Variants in NOP58 observed in about 807,000 individuals in gnomAD.
NOP58 encodes NOP58 ribonucleoprotein, also known as nucleolar protein 58.
Under a neutral mutation model 71.2 loss-of-function variants are expected in NOP58, and 44 were observed. The ratio of observed to expected loss-of-function variants is 0.62; its 90% CI spans 0.49 to 0.79. NOP58 has a LOEUF of 0.79. Ranked by LOEUF, NOP58 falls within the 30% of genes least tolerant of loss-of-function variation. The pLI, the probability that NOP58 is intolerant of heterozygous loss-of-function variation, is 0.00. For missense variants in NOP58, 538 were observed against 620.2 expected, an observed-to-expected ratio of 0.87 and a Z score of 1.41; for synonymous variants, 228 against 200.3, an observed-to-expected ratio of 1.14 and a Z score of -1.17.
At position 202,277,957 on chromosome 2, in the gene NOP58, C is replaced by G. The variant is rs988706680; in HGVS notation, c.130C>G (p.Leu44Val). ...TTTTTTTTTTAATTCTAGAGTAAAG[C>G]TAAAACATTTTGAGAAATTTCAGGA... ...TPEKANKIVK[L>V]KHFEKFQDTA... Residue 44 changes from leucine to valine, a missense_variant, in exon 3 of 15, where the codon CTA becomes GTA. Transcript: ENST00000264279. 3 of 1,498,020 alleles carry G rather than the reference C, an allele frequency of 2.0e-6. No homozygotes were observed. Among genetic ancestry groups the G allele is most frequent in the Non-Finnish European group, 1.8e-6 (2 of 1,085,598 alleles). 92.8% of individuals were successfully genotyped at this position (1,498,020 alleles called of 1,614,324 possible).
intron 1 of NOP58, among the ~76,000 whole-genome samples, chr2:202,271,784 A>G (rs949684835): frequency 6.6e-6 from 1 of 152,056 alleles, no homozygotes; most frequent in Non-Finnish European, 1.5e-5. Context: ...CTCTACAAAA[A>G]GATTTTTAAA....
chr2:202,292,890 T>C lies in NOP58; in HGVS notation c.894T>C (p.Leu298=), dbSNP rs770196420. The C allele has an allele frequency of 1.7e-5, 28 of 1,614,012 alleles. 1 individual carries two copies. The Admixed American group carries it at 4.3e-4, about 25-fold the overall frequency. The change falls in exon 9 of 15, where the codon CTT becomes CTC. Residue 298 remains leucine (L), a synonymous_variant. Coordinates refer to ENST00000264279, the MANE Select transcript of NOP58 (RefSeq NM_015934.5). ...VMVGELVGAR[L]IAHAGSLLNL... ...TTGGGGAATTAGTTGGAGCACGGCT[T>C]ATTGCTCATGCAGGTGATGGTTTTA...
At chr2:202,289,374 T>G (rs749793168) in intron 6 of NOP58, among the ~76,000 whole-genome samples, 4 of 152,204 alleles carry the variant, frequency 2.6e-5, no homozygotes, top group Non-Finnish European at 5.9e-5. Context: ...ACCACACAAA[T>G]CCACAAGTGG....
chr2:202,275,479 G>T, intron 2 of NOP58: 1 of 251,102 alleles, frequency 4.0e-6, no homozygotes, highest in Non-Finnish European at 7.6e-6. Context: ...GCTGTCAGTA[G>T]GAACACATTT....
At chr2:202,281,458 T>A (rs1688702921) in intron 3 of NOP58, among the ~76,000 whole-genome samples, 1 of 152,110 alleles carries the variant, frequency 6.6e-6, no homozygotes, top group South Asian at 2.1e-4. Flanking sequence ...GTTTTTGTTT[T>A]GTTGAGACAG....
chr2:202,285,950 T>C (rs1688777937), intron 5 of NOP58, among the ~76,000 whole-genome samples: 1 of 151,622 alleles, frequency 6.6e-6, no homozygotes, highest in Non-Finnish European at 1.5e-5. Context: ...ATCCCAACAC[T>C]TTGGGAGGCC....
intron 1 of NOP58, among the ~76,000 whole-genome samples, chr2:202,272,916 T>A (rs1688532699): frequency 6.6e-6 from 1 of 152,050 alleles, no homozygotes; most frequent in Non-Finnish European, 1.5e-5. Context: ...GGGTGCATCA[T>A]GAGGTCAGGA....
At chr2:202,301,558 A>C (rs1056677979) in intron 13 of NOP58, among the ~76,000 whole-genome samples, 2 of 152,146 alleles carry the variant, frequency 1.3e-5, no homozygotes, top group Non-Finnish European at 2.9e-5. Context: ...AACTCAATCT[A>C]GTCTGACAGC....
At chr2:202,276,762 C>T (rs374600194) in intron 2 of NOP58, among the ~76,000 whole-genome samples, 2 of 152,152 alleles carry the variant, frequency 1.3e-5, no homozygotes, top group South Asian at 4.2e-4. Context: ...CCTTTGAGCT[C>T]GGGAAGTCAG....
chr2:202,283,580 A>G (rs902368555), intron 4 of NOP58, among the ~76,000 whole-genome samples: 24 of 151,872 alleles, frequency 1.6e-4, no homozygotes, highest in Non-Finnish European at 3.1e-4. Flanking sequence ...AGCTGGGACT[A>G]TAGGCACCTG....
At chr2:202,282,540 G>A in intron 4 of NOP58, 68 bp downstream of exon 4, 1 of 1,464,282 alleles carries the variant, frequency 6.8e-7, no homozygotes, top group East Asian at 2.3e-5. Context: ...ACAAAGCCTA[G>A]CCTTTGCAAT....
chr2:202,292,754 CTT>C, intron 8 of NOP58, 21 bp from the exon 9 acceptor site: 1 of 1,590,672 alleles, frequency 6.3e-7, no homozygotes, highest in East Asian at 2.2e-5. Context: ...ATATTTGTGA[CTT>C]AACTTTATTC....
chr2:202,300,121 C>T, intron 12 of NOP58, 113 bp from the exon 13 acceptor site: 1 of 901,716 alleles, frequency 1.1e-6, no homozygotes. Flanking sequence ...TAAAATGAAA[C>T]AACATTGTGT....
intron 3 of NOP58, 78 bp downstream of exon 3, chr2:202,278,080 T>C: frequency 1.1e-6 from 1 of 873,380 alleles, no homozygotes; most frequent in Non-Finnish European, 2.0e-6. Flanking sequence ...TAAAAGGTTG[T>C]TTGCTTCAGT....
intron 8 of NOP58, among the ~76,000 whole-genome samples, chr2:202,291,832 A>G (rs888540500): frequency 3.6e-5 from 5 of 139,004 alleles, no homozygotes; most frequent in Non-Finnish European, 7.8e-5. Flanking sequence ...AAAAAAAAGG[A>G]TGGCAGACAA....
chr2:202,283,660 C>G (rs868059701), intron 4 of NOP58, among the ~76,000 whole-genome samples: 1 of 151,604 alleles, frequency 6.6e-6, no homozygotes, highest in Non-Finnish European at 1.5e-5. Flanking sequence ...AAGATGGTCT[C>G]GATCTATTGA....
At chr2:202,295,028 C>T (rs1379429086) in intron 9 of NOP58, among the ~76,000 whole-genome samples, 2 of 151,700 alleles carry the variant, frequency 1.3e-5, no homozygotes, top group Admixed American at 1.3e-4. Context: ...ATAAGCACTG[C>T]AGTACTGCAC....
In NOP58 at chr2:202,269,890, G is replaced by C. The variant is rs75750675; in HGVS notation, c.45+3904G>C. Among the ~76,000 whole-genome samples, 47 of 152,308 alleles carry C rather than the reference G, an allele frequency of 3.1e-4. No individual in the cohort carries two copies. In the East Asian group the frequency reaches 3.5e-3, roughly 11 times the overall value. On this transcript the variant is annotated intron_variant, in intron 1 of 14. Coordinates refer to ENST00000264279, the MANE Select transcript of NOP58 (RefSeq NM_015934.5). Reference sequence around the variant, plus strand: ...TAGTACGTATAACCATTTCACATGAGATGTAACTGATAGGACTGAGGAAGT... The same window carrying C: ...TAGTACGTATAACCATTTCACATGACATGTAACTGATAGGACTGAGGAAGT...
At chr2:202,295,350 G>GT (rs1273371244) in intron 9 of NOP58, among the ~76,000 whole-genome samples, 1 of 152,088 alleles carries the variant, frequency 6.6e-6, no homozygotes, top group African/African-American at 2.4e-5. Flanking sequence ...ATTAGTGTTC[G>GT]TGTGTGTGAC....
Sources: allele counts gnomAD v4.1 joint callset (sites outside exome capture counted in the v4.1 genomes callset), GRCh38; gene constraint gnomAD v4.1.1; transcripts MANE v1.5; gene names NCBI Gene and HGNC (gene_info 2026-07-23, HGNC 2026-07-21).